WDFY4: variants seen among roughly 807,000 people sequenced by gnomAD.
WDFY4 encodes WDFY family member 4, also known as WD repeat- and FYVE domain-containing protein 4.
In WDFY4, 169 loss-of-function variants were observed where a neutral mutation model predicts 351.9. That is an observed-to-expected ratio of 0.48 (90% CI 0.42 to 0.55). The LOEUF (loss-of-function observed/expected upper bound fraction) is 0.55, where lower values mean the gene tolerates loss of function less well. Among genes scored for constraint, WDFY4 ranks in the 20% least tolerant of loss-of-function variants. The pLI, the probability that WDFY4 is intolerant of heterozygous loss-of-function variation, is 0.00. For synonymous variants in WDFY4, 1,622 were observed against 1,574.6 expected (o/e 1.03, Z -0.71); for missense variants, 3,803 against 3,935.6 (o/e 0.97, Z 0.90).
chr10:48,880,973 C>T (rs756283290), intron 43 of WDFY4, among the ~76,000 whole-genome samples: 4 of 152,214 alleles, frequency 2.6e-5, no homozygotes, highest in Non-Finnish European at 5.9e-5. Flanking sequence ...AATTCTCTTG[C>T]CTCCACTTAC....
chr10:48,858,917 T>TGTGTTTTATTAGATTTACACTTAA (rs1197139406), intron 39 of WDFY4, among the ~76,000 whole-genome samples: 2 of 152,232 alleles, frequency 1.3e-5, no homozygotes, highest in Admixed American at 6.5e-5. Context: ...GCATCCTATA[T>TGTGTTTTATTAGATTTACACTTAA]GTGTTTTATT....
rs2132699928 is a variant in WDFY4 at position 48,786,969 on chromosome 10, A to C, written c.3808+99A>C. ...ATTTGCAGAGAATAAGCTCAGCGTT[A>C]AAGTCAGTCATTAGGGAAGACCTCT... On this transcript the variant is annotated intron_variant, in intron 20 of 61. Coordinates refer to ENST00000325239, the MANE Select transcript of WDFY4 (RefSeq NM_001394531.1). 3.9e-6 allele frequency: 4 copies of C among 1,036,474 alleles called. No homozygotes were observed. In the East Asian group the frequency reaches 7.8e-5, roughly 20 times the overall value. 64.2% of individuals were successfully genotyped at this position (1,036,474 alleles called of 1,614,324 possible). A position where few individuals can be genotyped will look rare whatever the true frequency, so the allele number is the denominator to read the frequency against.
chr10:48,835,716 A>G (rs563274412), intron 39 of WDFY4, among the ~76,000 whole-genome samples: 25 of 152,308 alleles, frequency 1.6e-4, no homozygotes, highest in African/African-American at 5.8e-4. Flanking sequence ...TACGCATACA[A>G]ATGCATACAT....
intron 12 of WDFY4, among the ~76,000 whole-genome samples, chr10:48,755,356 G>A (rs2065305901): frequency 6.6e-6 from 1 of 152,108 alleles, no homozygotes; most frequent in Admixed American, 6.6e-5. Context: ...TCCACAGATT[G>A]AAGGTTTTAA....
At position 48,974,527 on chromosome 10, in the gene WDFY4, A is replaced by AAAAAAAAAAAAACAAAACAAC; in HGVS notation, c.8929-333_8929-332insAAAAAAAAAACAAAACAACAA. Among the ~76,000 whole-genome samples, 29 of 23,190 alleles carry AAAAAAAAAAAAACAAAACAAC rather than the reference A, an allele frequency of 1.3e-3. 3 individuals are homozygous for AAAAAAAAAAAAACAAAACAAC. Among genetic ancestry groups the AAAAAAAAAAAAACAAAACAAC allele is most frequent in the Admixed American group, 2.4e-3 (4 of 1,670 alleles). 15.2% of individuals were successfully genotyped at this position (23,190 alleles called of 152,430 possible). A position where few individuals can be genotyped will look rare whatever the true frequency, so the allele number is the denominator to read the frequency against. The stretch of plus-strand genomic sequence containing the variant: ...CAAAAAAAAAAAAAAAAAAAAAAAA[A>AAAAAAAAAAAAACAAAACAAC]AACAACTCATGACATGAACTGCTCC... On this transcript the variant is annotated intron_variant, in intron 57 of 61. Transcript: ENST00000325239.
intron 13 of WDFY4, among the ~76,000 whole-genome samples, chr10:48,771,149 A>G (rs2065852225): frequency 6.6e-6 from 1 of 152,212 alleles, no homozygotes; most frequent in Non-Finnish European, 1.5e-5. Flanking sequence ...GAGCCATCCA[A>G]TTTTTAAAAC....
intron 47 of WDFY4, among the ~76,000 whole-genome samples, chr10:48,914,425 T>G (rs1414353814): frequency 3.3e-5 from 5 of 152,168 alleles, no homozygotes; most frequent in Admixed American, 3.3e-4. Context: ...TTGATTTTCT[T>G]GGATGTTAAA....
At chr10:48,920,194 C>G (rs1055897910) in intron 47 of WDFY4, among the ~76,000 whole-genome samples, 1 of 152,058 alleles carries the variant, frequency 6.6e-6, no homozygotes, top group Non-Finnish European at 1.5e-5. Flanking sequence ...TGATTAAAAA[C>G]TCTCAGCAAA....
At chr10:48,952,017 G>A (rs994041033) in intron 51 of WDFY4, among the ~76,000 whole-genome samples, 6 of 152,252 alleles carry the variant, frequency 3.9e-5, no homozygotes, top group Admixed American at 1.3e-4. Context: ...CACCTGAGGC[G>A]AGATGGCTGG....
At chr10:48,898,724 G>A (rs144347607) in intron 45 of WDFY4, among the ~76,000 whole-genome samples, 2 of 152,270 alleles carry the variant, frequency 1.3e-5, no homozygotes, top group East Asian at 3.9e-4. Flanking sequence ...TGCTGCTTTT[G>A]CCTGCAACAC....
rs1182060101 is a variant in WDFY4 at position 48,787,893 on chromosome 10, CCTTCTTCTTCTTCTTCTTCTTCTTCTT to C, written c.3809-571_3809-545del. 1.8e-3 allele frequency among the ~76,000 whole-genome samples: 88 copies of C among 48,116 alleles called. 1 individual carries two copies. Among genetic ancestry groups the C allele is most frequent in the Admixed American group, 4.4e-3 (21 of 4,812 alleles). 31.6% of individuals were successfully genotyped at this position (48,116 alleles called of 152,430 possible). ...TTTCTTCTTTCTTTCTTCTTCTTCT[CCTTCTTCTTCTTCTTCTTCTTCTTCTT>C]CTTCTTCTTCTTCTTCTTCTTCTTC... On this transcript the variant is annotated intron_variant, in intron 20 of 61. Coordinates refer to ENST00000325239, the MANE Select transcript of WDFY4 (RefSeq NM_001394531.1).
At chr10:48,969,477 C>A (rs928485543) in intron 56 of WDFY4, among the ~76,000 whole-genome samples, 1 of 152,200 alleles carries the variant, frequency 6.6e-6, no homozygotes, top group Non-Finnish European at 1.5e-5. Context: ...TATACTGTCA[C>A]CTCCAGAGCA....
At chr10:48,703,762 A>G (rs1431465190) in intron 1 of WDFY4, among the ~76,000 whole-genome samples, 1 of 152,228 alleles carries the variant, frequency 6.6e-6, no homozygotes, top group Non-Finnish European at 1.5e-5. Flanking sequence ...CCCAAATATC[A>G]GCAACCCAGC....
chr10:48,898,930 G>A (rs1169415889), intron 45 of WDFY4, among the ~76,000 whole-genome samples: 2 of 151,112 alleles, frequency 1.3e-5, no homozygotes, highest in Admixed American at 6.6e-5. Flanking sequence ...GTGAGCGGGA[G>A]GCCGTGTCCT....
At chr10:48,895,173 C>T (rs1837012892) in intron 44 of WDFY4, among the ~76,000 whole-genome samples, 1 of 152,200 alleles carries the variant, frequency 6.6e-6, no homozygotes, top group Non-Finnish European at 1.5e-5. Context: ...CCCTGCTGCC[C>T]AGCACAAGTC....
intron 47 of WDFY4, chr10:48,910,124 G>C: frequency 1.9e-6 from 2 of 1,028,858 alleles, no homozygotes; most frequent in East Asian, 4.8e-5. Flanking sequence ...CGGCGAGCCT[G>C]GTTTCCAGAA....
chr10:48,823,400 G>C, intron 35 of WDFY4: 1 of 1,212,722 alleles, frequency 8.2e-7, no homozygotes, highest in Non-Finnish European at 1.0e-6. Flanking sequence ...AGAATTAGGA[G>C]GACCACTCTC....
At chr10:48,920,314 A>G (rs1002532014) in intron 47 of WDFY4, among the ~76,000 whole-genome samples, 1 of 151,482 alleles carries the variant, frequency 6.6e-6, no homozygotes, top group Admixed American at 6.6e-5. Flanking sequence ...GGAATTGAAC[A>G]ATGAGAACAC....
Position 48,725,948 on chromosome 10 carries a change from C to T in WDFY4, c.659C>T (p.Ser220Phe), listed in dbSNP as rs1316999014. 1.9e-6 allele frequency: 3 copies of T among 1,551,606 alleles called. No homozygotes were observed. The highest frequency in any genetic ancestry group is 2.6e-6 in the Non-Finnish European group (3 of 1,146,996). Residue 220 changes from serine to phenylalanine, a missense_variant, in exon 6 of 62, where the codon TCT becomes TTT. Ser to Phe is a radical substitution (Grantham distance 155). This residue lies in a region of WDFY4 where 488 missense variants were observed against 456.8 expected (regional missense o/e 1.07). Coordinates refer to ENST00000325239, the MANE Select transcript of WDFY4 (RefSeq NM_001394531.1). ...EGLLSGSELQSLLIATTCLRE... is the reference protein window; with the variant it reads ...EGLLSGSELQFLLIATTCLRE... ...CTCCTCTCAGGAAGTGAGCTGCAGTCTCTGCTGATTGCCACGACCTGCCTT... is the reference window on the plus strand; with the variant it reads ...CTCCTCTCAGGAAGTGAGCTGCAGTTTCTGCTGATTGCCACGACCTGCCTT...
Sources: gnomAD v4.1 joint callset for allele counts (sites outside exome capture counted in the v4.1 genomes callset) on GRCh38, gnomAD v4.1.1 for gene constraint, gnomAD v4.1.1 regional missense constraint, MANE v1.5 for transcripts, NCBI Gene and HGNC (gene_info 2026-07-23, HGNC 2026-07-21) for gene names.